The following DNAH2 variants were observed in gnomAD, a reference collection of about 807,000 sequenced individuals.
DNAH2 encodes axonemal beta dynein heavy chain 2.
Under a neutral mutation model 523.5 loss-of-function variants are expected in DNAH2, and 323 were observed. The ratio of observed to expected loss-of-function variants is 0.62; its 90% CI spans 0.56 to 0.68. The LOEUF is 0.68. Ranked by LOEUF, DNAH2 falls within the 30% of genes least tolerant of loss-of-function variation. DNAH2 has a pLI of 0.00. For missense variants in DNAH2, 4,907 were observed against 5,701.5 expected (o/e 0.86, Z 4.49); for synonymous variants, 2,093 against 2,177.4 (o/e 0.96, Z 1.08).
At chr17:7,772,727 A>C (rs916555786) in intron 28 of DNAH2, among the ~76,000 whole-genome samples, 2 of 151,808 alleles carry the variant, frequency 1.3e-5, no homozygotes, top group African/African-American at 4.8e-5. Flanking sequence ...ATGTGAATAC[A>C]TTTCAATTAC....
At chr17:7,770,489 C>A in intron 25 of DNAH2, 68 bp from the exon 26 acceptor site, 1 of 1,613,078 alleles carries the variant, frequency 6.2e-7, no homozygotes, top group Non-Finnish European at 8.5e-7. Flanking sequence ...TCTGATGGCG[C>A]CTCTCAGCTC....
At chr17:7,767,530 A>G (rs2076201594) in intron 22 of DNAH2, among the ~76,000 whole-genome samples, 1 of 151,938 alleles carries the variant, frequency 6.6e-6, no homozygotes, top group Non-Finnish European at 1.5e-5. Flanking sequence ...TTTCCACAGC[A>G]GCTGCACCGT....
At position 7,764,106 on chromosome 17, in the gene DNAH2, C is replaced by A; in HGVS notation, c.3180-11C>A. ...CTTCCACTCACTAGCACTCCCTTTG[C>A]CCGCCTTCAGAATCAGCCGCCCTCC... On this transcript the variant is annotated splice_polypyrimidine_tract_variant and intron_variant, in intron 19 of 85. Coordinates refer to ENST00000572933, the MANE Select transcript of DNAH2 (RefSeq NM_020877.5). 2 of 1,614,208 alleles carry A rather than the reference C, an allele frequency of 1.2e-6. No homozygotes were observed. The highest frequency in any genetic ancestry group is 1.7e-6 in the Non-Finnish European group (2 of 1,180,034).
At chr17:7,805,154 A>G in intron 60 of DNAH2, 80 bp downstream of exon 60, 1 of 1,597,650 alleles carries the variant, frequency 6.3e-7, no homozygotes. Context: ...CTTTGTCCTC[A>G]AAGACTCTGG....
intron 12 of DNAH2, 93 bp from the exon 13 acceptor site, chr17:7,756,998 C>T: frequency 6.4e-7 from 1 of 1,553,510 alleles, no homozygotes; most frequent in Non-Finnish European, 8.8e-7. Flanking sequence ...CTCGACATTT[C>T]CCTGTGCTTC....
In DNAH2 at chr17:7,828,318, C is replaced by G. The variant is rs575781997; in HGVS notation, c.11854-1982C>G. 2.0e-5 allele frequency among the ~76,000 whole-genome samples: 3 copies of G among 152,176 alleles called. No homozygotes were observed. In the South Asian group the frequency reaches 6.2e-4, roughly 31 times the overall value. On this transcript the variant is annotated intron_variant, in intron 77 of 85. Coordinates refer to ENST00000572933, the MANE Select transcript of DNAH2 (RefSeq NM_020877.5). This position sits in a 1 kb window ranked among gnomAD's most constrained non-coding sequence, Gnocchi z 4.1. ...TATTCTTCTTCAGGCTATTCTTGAC[C>G]TTTTATTCTTCAATATAAATTTTAG...
intron 49 of DNAH2, 55 bp from the exon 50 acceptor site, chr17:7,796,409 C>A: frequency 6.3e-7 from 1 of 1,582,238 alleles, no homozygotes; most frequent in Non-Finnish European, 8.6e-7. Flanking sequence ...TTATTGGCTT[C>A]CCCTCTGGCT....
chr17:7,759,609 A>G lies in DNAH2; in HGVS notation c.2636A>G (p.Gln879Arg), dbSNP rs777368333. ...LKNDLQGSVA[Q>R]VEFSPTLQTL... ...AATGATCTGCAAGGAAGTGTGGCAC[A>G]GGTAAGAACCACTTTGCCCCCAACA... Residue 879 changes from glutamine (Q) to arginine (R), a missense_variant and splice_region_variant, in exon 16 of 86, where the codon CAG (glutamine) becomes CGG (arginine). By Grantham distance (43) the Gln-to-Arg change is conservative. Around this residue, in one of 3 missense-constraint regions of DNAH2, gnomAD observed 2,806 missense variants for 3,190.8 expected, o/e 0.88. Transcript: ENST00000572933. 6.2e-7 allele frequency: 1 copy of G among 1,613,016 alleles called. No individual in the cohort carries two copies. The highest frequency in any genetic ancestry group is 1.3e-5 in the African/African-American group (1 of 74,922).
chr17:7,786,327 C>T lies in DNAH2; in HGVS notation c.6333C>T (p.Asn2111=). The T allele has an allele frequency of 6.2e-7, 1 of 1,612,884 alleles. No individual in the cohort carries two copies. The highest frequency in any genetic ancestry group is 8.5e-7 in the Non-Finnish European group (1 of 1,180,002). Residue 2111 remains asparagine, a synonymous_variant, in exon 40 of 86, where the codon AAC becomes AAT. Transcript: ENST00000572933. The surrounding 1 kb of genome is among the most constrained non-coding windows in gnomAD (Gnocchi z 7.5). ...CTCTGTGCCGCGCCGGAGACCCTAA[C>T]TTCAACATTGTTAGAGTACGGGGCT... ...LSSLCRAGDP[N]FNIVREFPLN...
chr17:7,738,153 C>T lies in DNAH2; in HGVS notation c.1170+895C>T, dbSNP rs11652188. 3,315 of 702,140 alleles carry T rather than the reference C, an allele frequency of 4.7e-3. 11 individuals are homozygous for T. The highest frequency in any genetic ancestry group is 7.3e-3 in the Middle Eastern group (32 of 4,374). 43.5% of individuals were successfully genotyped at this position (702,140 alleles called of 1,614,324 possible). A position where few individuals can be genotyped will look rare whatever the true frequency, so the allele number is the denominator to read the frequency against. On this transcript the variant is annotated intron_variant, in intron 8 of 85. Transcript: ENST00000572933. Reference sequence around the variant, plus strand: ...ACGCCTCCCCTAACATCCCATGTCTCAACTCCCTTGTCAGCCCTGTAAGAG... The same window carrying T: ...ACGCCTCCCCTAACATCCCATGTCTTAACTCCCTTGTCAGCCCTGTAAGAG...
At position 7,832,686 on chromosome 17, in the gene DNAH2, G is replaced by A. The variant is rs2078217313; in HGVS notation, c.12834G>A (p.Trp4278Ter). The change falls in exon 83 of 86, where the codon TGG (tryptophan) becomes TGA (stop). Residue 4278 changes from tryptophan to a stop codon, truncating the protein, a stop_gained. Transcript: ENST00000572933. LOFTEE classifies it high-confidence loss of function. This position sits in a 1 kb window ranked among gnomAD's most constrained non-coding sequence, Gnocchi z 4.3. Reference sequence around the variant, plus strand: ...GGGCCCGGCCTCCTGTGATCTTCTGGTTGTCTGGTTTCACCTTTCCCACTG... The same window carrying A: ...GGGCCCGGCCTCCTGTGATCTTCTGATTGTCTGGTTTCACCTTTCCCACTG... The part of the protein sequence containing the change: ...ASRARPPVIF[W>*]LSGFTFPTGF... 6 of 1,614,122 alleles carry A rather than the reference G, an allele frequency of 3.7e-6. No homozygotes were observed. The highest frequency in any genetic ancestry group is 5.1e-6 in the Non-Finnish European group (6 of 1,180,034).
At chr17:7,731,009 T>C (rs2074968141) in intron 4 of DNAH2, among the ~76,000 whole-genome samples, 1 of 150,018 alleles carries the variant, frequency 6.7e-6, no homozygotes. Flanking sequence ...TCCCAGCTAC[T>C]TGGGAGGCTG....
chr17:7,829,639 A>C (rs10852892), intron 77 of DNAH2, among the ~76,000 whole-genome samples: 49,968 of 151,800 alleles, frequency 0.33, 9,124 homozygotes, highest in East Asian at 0.84. Flanking sequence ...TTGTTAGTTG[A>C]ACGTATATGT....
chr17:7,770,533 G>A (rs748297317), intron 25 of DNAH2, 24 bp from the exon 26 acceptor site: 5 of 1,613,806 alleles, frequency 3.1e-6, no homozygotes, highest in Non-Finnish European at 4.2e-6. Context: ...CCTGACTGCT[G>A]TGTCCCCCAA....
At chr17:7,818,822 A>AG in intron 70 of DNAH2, 46 bp downstream of exon 70, 1 of 1,612,330 alleles carries the variant, frequency 6.2e-7, no homozygotes, top group Non-Finnish European at 8.5e-7. Context: ...GTCTACTCCC[A>AG]GCCAGCCTCC....
Position 7,798,038 on chromosome 17 carries a change from T to C in DNAH2, c.8231-119T>C. 2.8e-6 allele frequency: 4 copies of C among 1,424,688 alleles called. No individual in the cohort carries two copies. The highest frequency in any genetic ancestry group is 3.8e-6 in the Non-Finnish European group (4 of 1,063,646). The allele number at this position is 1,424,688 out of a possible 1,614,324, so 88.3% of individuals were successfully genotyped here. ...TCCTGGGCCTTGGGCACCAACTTCT[T>C]CTCATACCTCTTGGTTCCTCTGCTT... On this transcript the variant is annotated intron_variant, in intron 53 of 85. Transcript: ENST00000572933. The surrounding 1 kb of genome is among the most constrained non-coding windows in gnomAD (Gnocchi z 5.5).
At chr17:7,810,513 C>T (rs1234882120) in intron 63 of DNAH2, among the ~76,000 whole-genome samples, 5 of 152,046 alleles carry the variant, frequency 3.3e-5, no homozygotes, top group Non-Finnish European at 5.9e-5. Context: ...CTCAGCCTCC[C>T]GAGTAGCTGG....
chr17:7,780,493 T>G lies in DNAH2; in HGVS notation c.5851-137T>G. On this transcript the variant is annotated intron_variant, in intron 37 of 85. Coordinates refer to ENST00000572933, the MANE Select transcript of DNAH2 (RefSeq NM_020877.5). The surrounding 1 kb of genome is among the most constrained non-coding windows in gnomAD (Gnocchi z 4.4). ...TGACAATGGCGTCATTCACACAATT[T>G]CCTCAGGAGAATCCATAGAGTGCCT... is the stretch of plus-strand genomic sequence containing the variant. 1 of 1,411,276 alleles carries G rather than the reference T, an allele frequency of 7.1e-7. No homozygotes were observed. The highest frequency in any genetic ancestry group is 2.3e-5 in the East Asian group (1 of 43,608). 87.4% of individuals were successfully genotyped at this position (1,411,276 alleles called of 1,614,324 possible).
intron 44 of DNAH2, among the ~76,000 whole-genome samples, chr17:7,789,858 G>A (rs182571261): frequency 1.3e-5 from 2 of 152,188 alleles, no homozygotes; most frequent in South Asian, 2.1e-4. Flanking sequence ...GATTACAGGC[G>A]TGAGCCACCA....
Sources: gnomAD v4.1 joint callset for allele counts (sites outside exome capture counted in the v4.1 genomes callset) on GRCh38, gnomAD v4.1.1 for gene constraint, gnomAD v4.1.1 regional missense constraint, Gnocchi (gnomAD v3.1) non-coding constraint, MANE v1.5 for transcripts, NCBI Gene and HGNC (gene_info 2026-07-23, HGNC 2026-07-21) for gene names.